Variants in KIF6 observed in about 807,000 individuals in gnomAD.
KIF6 encodes the protein kinesin family member 6.
A neutral mutation model predicts 112.7 loss-of-function variants in KIF6; 106 were observed. That is an observed-to-expected ratio of 0.94 (90% CI 0.80 to 1.11). The LOEUF (loss-of-function observed/expected upper bound fraction) is 1.11. Among genes scored for constraint, KIF6 ranks in the 50% least tolerant of loss-of-function variants. The pLI is 0.00. For synonymous variants in KIF6, 339 were observed against 339.9 expected, an observed-to-expected ratio of 1.00 and a Z score of 0.03; for missense variants, 929 against 964.0, an observed-to-expected ratio of 0.96 and a Z score of 0.48.
chr6:39,613,211 TC>T lies in KIF6; in HGVS notation c.616del (p.Asp206ThrfsTer5), dbSNP rs1462110919. The T allele has an allele frequency of 6.3e-7, 1 of 1,599,332 alleles. No individual in the cohort carries two copies. The highest frequency in any genetic ancestry group is 8.5e-7 in the Non-Finnish European group (1 of 1,174,122). ...TACCTCTGCAATCATTCGGTTGGTG[TC>T]TCCTAAAAAAAGCAAATTCAGAGCT... ...EEALNLLFLGDTNRMIAETPM... is the reference protein window; with the variant it reads ...EEALNLLFLGXTNRMIAETPM... On this transcript the variant is annotated frameshift_variant, in exon 6 of 23. Coordinates refer to ENST00000287152, the MANE Select transcript of KIF6 (RefSeq NM_145027.6). LOFTEE classifies it high-confidence loss of function.
intron 2 of KIF6, among the ~76,000 whole-genome samples, chr6:39,719,349 G>GAA (rs1790070716): frequency 1.3e-5 from 2 of 150,652 alleles, no homozygotes; most frequent in African/African-American, 4.9e-5. Context: ...AAAAGAAAAA[G>GAA]AGAGAGAGAG....
intron 12 of KIF6, among the ~76,000 whole-genome samples, chr6:39,540,977 G>T (rs1181022420): frequency 1.3e-5 from 2 of 152,212 alleles, no homozygotes; most frequent in African/African-American, 4.8e-5. Flanking sequence ...AACTCTAAGA[G>T]ATTTTTGTCC....
At chr6:39,581,173 T>A in intron 9 of KIF6, among the ~76,000 whole-genome samples, 1 of 147,290 alleles carries the variant, frequency 6.8e-6, no homozygotes, top group Non-Finnish European at 1.5e-5. Context: ...TTTTTTTTTT[T>A]TTTTTTTTTT....
intron 7 of KIF6, among the ~76,000 whole-genome samples, chr6:39,588,184 C>A (rs955494623): frequency 6.6e-6 from 1 of 152,152 alleles, no homozygotes; most frequent in Non-Finnish European, 1.5e-5. Context: ...TATGTAATCT[C>A]ATCCAATCAC....
At chr6:39,498,357 C>G (rs1344448358) in intron 13 of KIF6, among the ~76,000 whole-genome samples, 3 of 152,130 alleles carry the variant, frequency 2.0e-5, no homozygotes, top group Non-Finnish European at 4.4e-5. Context: ...CCCTAGGTGA[C>G]AGAGAGTTGC....
At chr6:39,634,222 A>G (rs1025928946) in intron 5 of KIF6, among the ~76,000 whole-genome samples, 2 of 152,178 alleles carry the variant, frequency 1.3e-5, no homozygotes, top group African/African-American at 4.8e-5. Context: ...ACAGTTGCCA[A>G]TTAATATATG....
chr6:39,419,544 C>T (rs9462542), intron 15 of KIF6, among the ~76,000 whole-genome samples: 2,913 of 152,156 alleles, frequency 0.019, 85 homozygotes, highest in African/African-American at 0.063. Flanking sequence ...GCTAAAATAT[C>T]ATACCTGTGC....
At position 39,343,505 on chromosome 6, in the gene KIF6, C is replaced by T. The variant is rs908799237; in HGVS notation, c.2428+204G>A. 7 of 1,493,302 alleles carry T rather than the reference C, an allele frequency of 4.7e-6. No homozygotes were observed. The highest frequency in any genetic ancestry group is 6.3e-6 in the Non-Finnish European group (7 of 1,118,358). The allele number at this position is 1,493,302 out of a possible 1,614,324, so 92.5% of individuals were successfully genotyped here. A position where few individuals can be genotyped will look rare whatever the true frequency, so the allele number is the denominator to read the frequency against. ...ACCTGGGCCGCCCACCCACTTGGGC[C>T]TGTCTTGGTGTTTCTGATGCTGCCC... On this transcript the variant is annotated intron_variant, in intron 22 of 22. Transcript: ENST00000287152. The surrounding 1 kb of genome is among the most constrained non-coding windows in gnomAD (Gnocchi z 4.1).
intron 13 of KIF6, among the ~76,000 whole-genome samples, chr6:39,498,634 T>G (rs1295034039): frequency 6.6e-6 from 1 of 152,170 alleles, no homozygotes; most frequent in Non-Finnish European, 1.5e-5. Context: ...TAAGTATGAC[T>G]GTGTTCCAAT....
intron 5 of KIF6, among the ~76,000 whole-genome samples, chr6:39,624,049 C>A (rs1012714694): frequency 6.6e-6 from 1 of 152,088 alleles, no homozygotes; most frequent in East Asian, 1.9e-4. Flanking sequence ...TTAAAAGGGG[C>A]CTGAGTAGGT....
chr6:39,652,222 T>C (rs1471926476), intron 3 of KIF6, among the ~76,000 whole-genome samples: 2 of 152,086 alleles, frequency 1.3e-5, no homozygotes, highest in Admixed American at 6.6e-5. Context: ...CAATACAGTC[T>C]CAATAAACTA....
At position 39,362,101 on chromosome 6, in the gene KIF6, A is replaced by T. The variant is rs550304843; in HGVS notation, c.1946+333T>A. ...ATGCCTGCGGCTGCGTGAGAGTATG[A>T]CGTTCTCAGGACTCGGAGGGAAGTG... On this transcript the variant is annotated intron_variant, in intron 17 of 22. Transcript: ENST00000287152. 5.3e-5 allele frequency among the ~76,000 whole-genome samples: 8 copies of T among 152,158 alleles called. No individual in the cohort carries two copies. The South Asian group carries it at 1.7e-3, about 32-fold the overall frequency.
intron 3 of KIF6, among the ~76,000 whole-genome samples, chr6:39,697,221 G>A (rs1278538046): frequency 6.6e-6 from 1 of 152,124 alleles, no homozygotes; most frequent in East Asian, 1.9e-4. Context: ...TCAGGTTGAG[G>A]AAGCCAAGGT....
Position 39,714,976 on chromosome 6 carries a change from C to G in KIF6, c.177-210G>C, listed in dbSNP as rs1208848724. 4 of 456,986 alleles carry G rather than the reference C, an allele frequency of 8.8e-6. No individual in the cohort carries two copies. In the East Asian group the frequency reaches 1.4e-4, roughly 17 times the overall value. 28.3% of individuals were successfully genotyped at this position (456,986 alleles called of 1,614,324 possible). A position where few individuals can be genotyped will look rare whatever the true frequency, so the allele number is the denominator to read the frequency against. On this transcript the variant is annotated intron_variant, in intron 2 of 22. Coordinates refer to ENST00000287152, the MANE Select transcript of KIF6 (RefSeq NM_145027.6). ...TGGTGGGTAAACAGTATTGCTTTGACAAGATCTGCACAATAAATCCCTCTG... is the reference window on the plus strand; with the variant it reads ...TGGTGGGTAAACAGTATTGCTTTGAGAAGATCTGCACAATAAATCCCTCTG...
intron 13 of KIF6, among the ~76,000 whole-genome samples, chr6:39,467,639 A>G (rs1371481712): frequency 6.6e-6 from 1 of 152,200 alleles, no homozygotes; most frequent in Non-Finnish European, 1.5e-5. Context: ...AGTCCATCCA[A>G]GCCACTAGAC....
At chr6:39,709,934 T>C (rs1481045850) in intron 3 of KIF6, among the ~76,000 whole-genome samples, 1 of 152,236 alleles carries the variant, frequency 6.6e-6, no homozygotes, top group African/African-American at 2.4e-5. Flanking sequence ...ACTTTAAATA[T>C]TGTGCATAAA....
At chr6:39,567,446 C>A (rs574494629) in intron 10 of KIF6, among the ~76,000 whole-genome samples, 10 of 152,260 alleles carry the variant, frequency 6.6e-5, no homozygotes, top group African/African-American at 2.4e-4. Context: ...TCAGTCTATT[C>A]ATATAAAAGT....
chr6:39,360,500 G>C lies in KIF6; in HGVS notation c.1977C>G (p.Ala659=), dbSNP rs1400377507. ...RYKTMFTRLK[A]LKVEIEHLQL... ...GCAAGTGCTCGATCTCCACCTTCAGGGCTTTCAGGCGAGTGAACATTGTTT... is the reference window on the plus strand; with the variant it reads ...GCAAGTGCTCGATCTCCACCTTCAGCGCTTTCAGGCGAGTGAACATTGTTT... Residue 659 remains alanine (A), a synonymous_variant, in exon 18 of 23, where the codon GCC becomes GCG. Transcript: ENST00000287152. The C allele has an allele frequency of 1.2e-6, 2 of 1,614,072 alleles. No individual in the cohort carries two copies. The highest frequency in any genetic ancestry group is 2.7e-5 in the African/African-American group (2 of 74,922).
intron 2 of KIF6, among the ~76,000 whole-genome samples, chr6:39,717,871 G>A (rs1789952820): frequency 6.6e-6 from 1 of 152,050 alleles, no homozygotes; most frequent in African/African-American, 2.4e-5. Context: ...TTTCAATTCA[G>A]AGATTTAAAA....
Sources: allele counts gnomAD v4.1 joint callset (sites outside exome capture counted in the v4.1 genomes callset), GRCh38; gene constraint gnomAD v4.1.1; non-coding constraint Gnocchi (gnomAD v3.1); transcripts MANE v1.5; gene names NCBI Gene and HGNC (gene_info 2026-07-23, HGNC 2026-07-21).